Variants in TMC1 observed in about 807,000 individuals in gnomAD.
TMC1 encodes the protein transmembrane channel like 1.
A neutral mutation model predicts 105.8 loss-of-function variants in TMC1; 84 were observed. The observed-to-expected ratio is 0.79, with a 90% CI of 0.67 to 0.95. The LOEUF is 0.95. TMC1 is among the 40% of genes least tolerant of loss of function. TMC1 has a pLI of 0.00. For synonymous variants in TMC1, 315 were observed against 311.5 expected (o/e 1.01, Z -0.12); for missense variants, 817 against 914.1 (o/e 0.89, Z 1.37).
chr9:72,523,071 A>G lies in TMC1; in HGVS notation c.-428+1158A>G, dbSNP rs749335531. Among the ~76,000 whole-genome samples, 5 of 152,282 alleles carry G rather than the reference A, an allele frequency of 3.3e-5. 2 individuals are homozygous for G. In the Middle Eastern group the frequency reaches 0.017, roughly 518 times the overall value. ...TTGAAAACCACTGGGTTAGTGGGAG[A>G]AACAGATAAGACAGAAGTTCTCCAT... On this transcript the variant is annotated intron_variant, in intron 1 of 23. Coordinates refer to ENST00000297784, the MANE Select transcript of TMC1 (RefSeq NM_138691.3).
chr9:72,723,811 A>G (rs1827072153), intron 8 of TMC1, among the ~76,000 whole-genome samples: 1 of 152,120 alleles, frequency 6.6e-6, no homozygotes, highest in Non-Finnish European at 1.5e-5. Flanking sequence ...GATTTGTTTA[A>G]TCTTTCTTAG....
Position 72,522,549 on chromosome 9 carries a change from C to T in TMC1, c.-428+636C>T, listed in dbSNP as rs181817878. Among the ~76,000 whole-genome samples the T allele has an allele frequency of 1.7e-3, 251 of 152,036 alleles. 2 individuals are homozygous for T. Among genetic ancestry groups the T allele is most frequent in the African/African-American group, 5.8e-3 (239 of 41,456 alleles). ...TAAAGGGGGACAGTGAGCACAGGGA[C>T]AAGAGAAAAGGAGAAAGGGAAGAAA... On this transcript the variant is annotated intron_variant, in intron 1 of 23. Transcript: ENST00000297784.
intron 3 of TMC1, among the ~76,000 whole-genome samples, chr9:72,622,945 G>A (rs918257242): frequency 1.5e-4 from 23 of 151,534 alleles, no homozygotes; most frequent in Admixed American, 3.9e-4. Flanking sequence ...CCAGCTACTC[G>A]GGAGGCTGAG....
In TMC1 at chr9:72,753,576, G is replaced by C. The variant is rs149658013; in HGVS notation, c.643-1210G>C. On this transcript the variant is annotated intron_variant, in intron 11 of 23. Coordinates refer to ENST00000297784, the MANE Select transcript of TMC1 (RefSeq NM_138691.3). Reference sequence around the variant, plus strand: ...AAGAGCTAGGAAGCATTCTGTCTTTGGATACCCTTTTATAGGTTGTATTAG... The same window carrying C: ...AAGAGCTAGGAAGCATTCTGTCTTTCGATACCCTTTTATAGGTTGTATTAG... Among the ~76,000 whole-genome samples, 189 of 152,154 alleles carry C rather than the reference G, an allele frequency of 1.2e-3. 1 individual carries two copies. The highest frequency in any genetic ancestry group is 4.5e-3 in the African/African-American group (187 of 41,524).
intron 5 of TMC1, among the ~76,000 whole-genome samples, chr9:72,666,830 A>C (rs1474082605): frequency 6.6e-6 from 1 of 152,134 alleles, no homozygotes; most frequent in Non-Finnish European, 1.5e-5. Context: ...TGGGAGGATC[A>C]CTTAGGCCCA....
chr9:72,648,746 G>T (rs1825755433), intron 5 of TMC1, 82 bp downstream of exon 5: 2 of 1,329,698 alleles, frequency 1.5e-6, no homozygotes, highest in Non-Finnish European at 1.1e-6. Context: ...TGGAAAGTTT[G>T]TTTTACAATT....
At chr9:72,675,393 TA>T (rs1479464829) in intron 5 of TMC1, among the ~76,000 whole-genome samples, 1 of 152,166 alleles carries the variant, frequency 6.6e-6, no homozygotes, top group Non-Finnish European at 1.5e-5. Context: ...TCTTACTGTC[TA>T]AAACTAAGAT....
At chr9:72,707,845 C>T (rs761721074) in intron 8 of TMC1, among the ~76,000 whole-genome samples, 6 of 152,042 alleles carry the variant, frequency 3.9e-5, no homozygotes, top group Non-Finnish European at 5.9e-5. Flanking sequence ...AAGCCAATGT[C>T]TAGAAGGTTT....
At chr9:72,718,103 T>C (rs563243985) in intron 8 of TMC1, among the ~76,000 whole-genome samples, 9 of 152,228 alleles carry the variant, frequency 5.9e-5, no homozygotes, top group African/African-American at 2.2e-4. Flanking sequence ...TCCCCTCATA[T>C]CTTGTATCAT....
chr9:72,644,898 TA>T (rs1825685109), intron 4 of TMC1, among the ~76,000 whole-genome samples: 1 of 152,140 alleles, frequency 6.6e-6, no homozygotes, highest in Admixed American at 6.5e-5. Flanking sequence ...ATCATCAATT[TA>T]AAAACAGCCC....
chr9:72,807,846 G>C (rs1317857825), intron 18 of TMC1, among the ~76,000 whole-genome samples: 6 of 152,154 alleles, frequency 3.9e-5, no homozygotes, highest in Non-Finnish European at 7.4e-5. Context: ...ATTCTGGCAG[G>C]GGCGGCTTCT....
intron 8 of TMC1, among the ~76,000 whole-genome samples, chr9:72,705,082 C>A (rs1416484329): frequency 6.6e-6 from 1 of 152,136 alleles, no homozygotes; most frequent in African/African-American, 2.4e-5. Context: ...TTAAGCTGTT[C>A]ATGGGTTTAA....
intron 8 of TMC1, among the ~76,000 whole-genome samples, chr9:72,703,327 A>G (rs1826677955): frequency 6.6e-6 from 1 of 151,888 alleles, no homozygotes; most frequent in Non-Finnish European, 1.5e-5. Context: ...GGGTCTTACT[A>G]TGTCGCCCAG....
In TMC1 at chr9:72,573,473, T is replaced by A. The variant is rs1824322503; in HGVS notation, c.-427-4429T>A. Reference sequence around the variant, plus strand: ...CATTAGCATGCTGTGCCAGCATTTCTACCTACCACGATGACCTGGAATGAA... The same window carrying A: ...CATTAGCATGCTGTGCCAGCATTTCAACCTACCACGATGACCTGGAATGAA... On this transcript the variant is annotated intron_variant, in intron 1 of 23. Coordinates refer to ENST00000297784, the MANE Select transcript of TMC1 (RefSeq NM_138691.3). Among the ~76,000 whole-genome samples the A allele has an allele frequency of 2.6e-5, 4 of 152,324 alleles. No homozygotes were observed. In the South Asian group the frequency reaches 6.2e-4, roughly 24 times the overall value.
Position 72,532,623 on chromosome 9 carries a change from A to G in TMC1, c.-428+10710A>G, listed in dbSNP as rs189364611. On this transcript the variant is annotated intron_variant, in intron 1 of 23. Transcript: ENST00000297784. ...ATTAAAGCCCAGTCATCTTGAAGCC[A>G]TGATCATGACGCTGTGGAAGAACCG... Among the ~76,000 whole-genome samples, 653 of 149,834 alleles carry G rather than the reference A, an allele frequency of 4.4e-3. 1 individual carries two copies. Among genetic ancestry groups the G allele is most frequent in the African/African-American group, 6.3e-3 (258 of 40,950 alleles).
intron 1 of TMC1, among the ~76,000 whole-genome samples, chr9:72,568,664 A>T (rs367700635): frequency 3.5e-5 from 4 of 115,568 alleles, no homozygotes; most frequent in Admixed American, 8.3e-5. Flanking sequence ...AAATTTGTTT[A>T]TTTTTTTCAT....
chr9:72,648,553 A>G, intron 4 of TMC1, 44 bp from the exon 5 acceptor site: 1 of 1,080,268 alleles, frequency 9.3e-7, no homozygotes, highest in Non-Finnish European at 1.4e-6. Flanking sequence ...AAGTGTGTGG[A>G]TGTGCTAGAT....
chr9:72,648,708 T>G, intron 5 of TMC1, 44 bp downstream of exon 5: 1 of 1,551,432 alleles, frequency 6.4e-7, no homozygotes, highest in Non-Finnish European at 8.9e-7. Context: ...TATGTCTTTC[T>G]GAGAGGTATA....
intron 7 of TMC1, among the ~76,000 whole-genome samples, chr9:72,695,446 C>T (rs1043464721): frequency 9.9e-5 from 15 of 152,148 alleles, no homozygotes; most frequent in East Asian, 9.7e-4. Context: ...GAAAAATGTA[C>T]GTGTAAAACA....
Sources: allele counts gnomAD v4.1 joint callset (sites outside exome capture counted in the v4.1 genomes callset), GRCh38; gene constraint gnomAD v4.1.1; transcripts MANE v1.5; gene names NCBI Gene and HGNC (gene_info 2026-07-23, HGNC 2026-07-21).